Variants in TOPORS observed in about 807,000 individuals in gnomAD.
The protein encoded by TOPORS is TOP1 binding arginine/serine rich protein, E3 ubiquitin ligase, also known as E3 ubiquitin-protein ligase Topors.
A neutral mutation model predicts 81.4 loss-of-function variants in TOPORS; 25 were observed. The ratio of observed to expected loss-of-function variants is 0.31; its 90% CI spans 0.22 to 0.43. The LOEUF is 0.43. Among genes scored for constraint, TOPORS ranks in the 20% least tolerant of loss-of-function variants. TOPORS has a pLI of 1.00. For missense variants in TOPORS, 1,101 were observed against 1,267.0 expected, an observed-to-expected ratio of 0.87 and a Z score of 1.99; for synonymous variants, 473 against 456.6, an observed-to-expected ratio of 1.04 and a Z score of -0.46.
rs746982126 is a variant in TOPORS at position 32,541,920 on chromosome 9, T to A, written c.2605A>T (p.Ile869Leu). Residue 869 changes from isoleucine to leucine, a missense_variant, in exon 3 of 3, where the codon ATA becomes TTA. Transcript: ENST00000360538. ...KRKTRSLSVE[I>L]VYEGKATDTT... Reference sequence around the variant, plus strand: ...TCAGTAGCTTTTCCTTCATAAACTATCTCTACACTTAGGCTCCGGGTCTTC... The same window carrying A: ...TCAGTAGCTTTTCCTTCATAAACTAACTCTACACTTAGGCTCCGGGTCTTC... The A allele has an allele frequency of 6.2e-7, 1 of 1,613,982 alleles. No homozygotes were observed. The highest frequency in any genetic ancestry group is 8.5e-7 in the Non-Finnish European group (1 of 1,180,014).
chr9:32,551,845 T>C (rs1369328129), intron 1 of TOPORS: 1 of 447,364 alleles, frequency 2.2e-6, no homozygotes, highest in Admixed American at 2.4e-5. Context: ...GAGATATACA[T>C]TACGCTATAC....
At chr9:32,551,754 G>C (rs1393870589) in intron 1 of TOPORS, 4 of 441,936 alleles carry the variant, frequency 9.1e-6, no homozygotes, top group Admixed American at 4.8e-5. Context: ...GGCAGTTCAA[G>C]AACATCAGAC....
At chr9:32,547,670 T>G (rs1157696923) in intron 2 of TOPORS, among the ~76,000 whole-genome samples, 1 of 152,182 alleles carries the variant, frequency 6.6e-6, no homozygotes, top group Non-Finnish European at 1.5e-5. Flanking sequence ...AGAGATGAAA[T>G]GAGGCTGGTG....
chr9:32,541,891 T>G lies in TOPORS; in HGVS notation c.2634A>C (p.Thr878=), dbSNP rs1219414606. ...EIVYEGKATD[T]TKHHKKKKKK... ...TCTTTTTCTTTTTATGGTGTTTAGT[T>G]GTATCAGTAGCTTTTCCTTCATAAA... Residue 878 remains threonine, a synonymous_variant, in exon 3 of 3, where the codon ACA becomes ACC. Transcript: ENST00000360538. 1 of 1,614,108 alleles carries G rather than the reference T, an allele frequency of 6.2e-7. No homozygotes were observed.
chr9:32,543,164 G>T lies in TOPORS; in HGVS notation c.1361C>A (p.Ala454Asp). The part of the protein sequence containing the change: ...SSDEELVTGG[A>D]TSQIQGVQTN... ...TTGTACTCCTTGTATCTGAGACGTG[G>T]CTCCTCCTGTGACAAGTTCTTCATC... is the stretch of plus-strand genomic sequence containing the variant. The change falls in exon 3 of 3, where the codon GCC becomes GAC. Residue 454 changes from alanine (A) to aspartate (D), a missense_variant. Coordinates refer to ENST00000360538, the MANE Select transcript of TOPORS (RefSeq NM_005802.5). This position sits in a 1 kb window ranked among gnomAD's most constrained non-coding sequence, Gnocchi z 5.6. 1.2e-6 allele frequency: 2 copies of T among 1,613,894 alleles called. No homozygotes were observed. Among genetic ancestry groups the T allele is most frequent in the Non-Finnish European group, 1.7e-6 (2 of 1,180,012 alleles).
At position 32,543,788 on chromosome 9, in the gene TOPORS, G is replaced by C; in HGVS notation, c.737C>G (p.Ser246Cys). 1 of 1,612,158 alleles carries C rather than the reference G, an allele frequency of 6.2e-7. No individual in the cohort carries two copies. The highest frequency in any genetic ancestry group is 8.5e-7 in the Non-Finnish European group (1 of 1,178,850). ...VRRPTTADERSLRKIQEQDII... is the reference protein window; with the variant it reads ...VRRPTTADERCLRKIQEQDII... The stretch of plus-strand genomic sequence containing the variant: ...ATCTTGTTCTTGAATTTTCCGCAAA[G>C]ATCTTTCATCTGCCGTAGTTGGCCT... Residue 246 changes from serine to cysteine, a missense_variant, in exon 3 of 3, where the codon TCT (serine) becomes TGT (cysteine). Physicochemically the swap from Ser to Cys is moderately radical, Grantham distance 112. This residue lies in a region of TOPORS where 120 missense variants were observed against 115.4 expected (regional missense o/e 1.04). Transcript: ENST00000360538. This position sits in a 1 kb window ranked among gnomAD's most constrained non-coding sequence, Gnocchi z 5.6.
chr9:32,549,048 G>A (rs969798912), intron 2 of TOPORS, among the ~76,000 whole-genome samples: 2 of 151,976 alleles, frequency 1.3e-5, no homozygotes, highest in Non-Finnish European at 2.9e-5. Context: ...GGTGGCTCAT[G>A]CCTGTAATCC....
At chr9:32,545,079 G>C (rs1435579104) in intron 2 of TOPORS, among the ~76,000 whole-genome samples, 1 of 152,190 alleles carries the variant, frequency 6.6e-6, no homozygotes, top group Non-Finnish European at 1.5e-5. Flanking sequence ...AAAAGGGAGA[G>C]GAAACTTTTA....
At chr9:32,552,236 G>A (rs775821908) in intron 1 of TOPORS, 198 bp downstream of exon 1, 2 of 687,002 alleles carry the variant, frequency 2.9e-6, no homozygotes, top group South Asian at 3.5e-5. Context: ...TCTAAAAGGC[G>A]GGCAAGGCCC....
Position 32,550,953 on chromosome 9 carries a change from G to C in TOPORS, c.19C>G (p.Leu7Val), listed in dbSNP as rs1821235523. 6.2e-7 allele frequency: 1 copy of C among 1,611,276 alleles called. No individual in the cohort carries two copies. Among genetic ancestry groups the C allele is most frequent in the East Asian group, 2.2e-5 (1 of 44,860 alleles). Residue 7 changes from leucine to valine, a missense_variant, in exon 2 of 3, where the codon CTG becomes GTG. Leu to Val is a conservative substitution (Grantham distance 32). Transcript: ENST00000360538. ...TCCTCGCGAGACAGCGGAGACCCCA[G>C]CGGCGGCTGCGACCCCTGTGACGCA... MGSQPPLGSPLSREEGE... is the reference protein window; with the variant it reads MGSQPPVGSPLSREEGE...
At position 32,541,333 on chromosome 9, in the gene TOPORS, CTTCCTTT is replaced by C; in HGVS notation, c.*47_*53del. The C allele has an allele frequency of 1.3e-6, 2 of 1,577,652 alleles. No homozygotes were observed. The highest frequency in any genetic ancestry group is 1.7e-6 in the Non-Finnish European group (2 of 1,149,744). The stretch of plus-strand genomic sequence containing the variant: ...TAAATAGACTGCAGTAGACGACATT[CTTCCTTT>C]TTCCTTTTTATAACATCATAATTCT... On this transcript the variant is annotated 3_prime_UTR_variant, in exon 3 of 3. Coordinates refer to ENST00000360538, the MANE Select transcript of TOPORS (RefSeq NM_005802.5).
chr9:32,548,251 C>A (rs1259344433), intron 2 of TOPORS, among the ~76,000 whole-genome samples: 1 of 150,854 alleles, frequency 6.6e-6, no homozygotes, highest in South Asian at 2.1e-4. Context: ...TGGCCGGGCG[C>A]GGTGGCTCAC....
rs1017345505 is a variant in TOPORS, at chr9:32,544,243, T to C, written c.282A>G (p.Pro94=). Residue 94 remains proline (P), a synonymous_variant, in exon 3 of 3, where the codon CCA becomes CCG. Coordinates refer to ENST00000360538, the MANE Select transcript of TOPORS (RefSeq NM_005802.5). ...ACTTAGAATCAGGAGATGCATCAGC[T>C]GGTACTGTCTGTTGCAATTTGCTAG... ...AGTSKLQQTV[P]ADASPDSKCP... The C allele has an allele frequency of 8.7e-6, 14 of 1,609,452 alleles. No homozygotes were observed. Among genetic ancestry groups the C allele is most frequent in the Non-Finnish European group, 8.5e-6 (10 of 1,179,976 alleles).
chr9:32,552,233 G>A, intron 1 of TOPORS: 4 of 655,384 alleles, frequency 6.1e-6, no homozygotes, highest in African/African-American at 1.9e-5. Flanking sequence ...CTCTCTAAAA[G>A]GCGGGCAAGG....
At chr9:32,550,074 C>T (rs1232949527) in intron 2 of TOPORS, among the ~76,000 whole-genome samples, 1 of 152,208 alleles carries the variant, frequency 6.6e-6, no homozygotes, top group Non-Finnish European at 1.5e-5. Flanking sequence ...CCACTATTAA[C>T]TTAAATCTTG....
At chr9:32,551,606 G>A (rs1821262524) in intron 1 of TOPORS, 1 of 253,562 alleles carries the variant, frequency 3.9e-6, no homozygotes, top group Non-Finnish European at 8.5e-6. Context: ...GAGGTATAAA[G>A]AACGTCTAGA....
In TOPORS at chr9:32,541,375, G is replaced by A. The variant is rs1179492205; in HGVS notation, c.*12C>T. 2.5e-6 allele frequency: 4 copies of A among 1,613,512 alleles called. No homozygotes were observed. Among genetic ancestry groups the A allele is most frequent in the Non-Finnish European group, 3.4e-6 (4 of 1,179,524 alleles). ...ATAACATCATAATTCTCAATGAAATGCTTTGGCAGTTTTAAGACATATCAC... is the reference window on the plus strand; with the variant it reads ...ATAACATCATAATTCTCAATGAAATACTTTGGCAGTTTTAAGACATATCAC... On this transcript the variant is annotated 3_prime_UTR_variant, in exon 3 of 3. Transcript: ENST00000360538.
rs34721491 is a variant in TOPORS at position 32,541,024 on chromosome 9, CA to C, written c.*362del. The C allele has an allele frequency of 0.11, 18,397 of 163,884 alleles. 1,059 individuals carry two copies. The highest frequency in any genetic ancestry group is 0.29 in the Middle Eastern group (87 of 302). The allele number at this position is 163,884 out of a possible 1,614,324, so 10.2% of individuals were successfully genotyped here. On this transcript the variant is annotated 3_prime_UTR_variant, in exon 3 of 3. Coordinates refer to ENST00000360538, the MANE Select transcript of TOPORS (RefSeq NM_005802.5). ...TATAACACATTTCCAGAATAACTCTCAAAAAAAAAAAATTCAAAAATACTCA... is the reference window on the plus strand; with the variant it reads ...TATAACACATTTCCAGAATAACTCTCAAAAAAAAAAATTCAAAAATACTCA...
chr9:32,540,840 C>T lies in TOPORS; in HGVS notation c.*547G>A, dbSNP rs901872961. ...AATACACATTTGTTTTACTGGCAGT[C>T]CAGATAAACAAGTATATAAAGGAAA... On this transcript the variant is annotated 3_prime_UTR_variant, in exon 3 of 3. Coordinates refer to ENST00000360538, the MANE Select transcript of TOPORS (RefSeq NM_005802.5). The T allele has an allele frequency of 9.9e-5, 15 of 151,906 alleles. No individual in the cohort carries two copies. In the East Asian group the frequency reaches 2.9e-3, roughly 29 times the overall value. The allele number at this position is 151,906 out of a possible 1,614,324, so 9.4% of individuals were successfully genotyped here. A position where few individuals can be genotyped will look rare whatever the true frequency, so the allele number is the denominator to read the frequency against.
Sources: allele counts gnomAD v4.1 joint callset (sites outside exome capture counted in the v4.1 genomes callset), GRCh38; gene constraint gnomAD v4.1.1; regional missense constraint gnomAD v4.1.1; non-coding constraint Gnocchi (gnomAD v3.1); transcripts MANE v1.5; gene names NCBI Gene and HGNC (gene_info 2026-07-23, HGNC 2026-07-21).